Variants in MSH6 observed in about 807,000 individuals in gnomAD.
MSH6 encodes the protein mutS homolog 6, also known as DNA mismatch repair protein Msh6.
A neutral mutation model predicts 119.1 loss-of-function variants in MSH6; 85 were observed. The observed-to-expected ratio is 0.71, with a 90% CI of 0.60 to 0.85. The LOEUF is 0.85. MSH6 is among the 40% of genes least tolerant of loss of function. The probability of loss-of-function intolerance (pLI) is 0.00; values close to 1 mark genes in which losing one functional copy is unlikely to be tolerated. For missense variants in MSH6, 2,163 were observed against 1,655.3 expected (o/e 1.31, Z -5.32); for synonymous variants, 830 against 586.9 (o/e 1.41, Z -5.99).
At chr2:47,798,128 G>A (rs1669210231) in intron 3 of MSH6, 1 of 175,286 alleles carries the variant, frequency 5.7e-6, no homozygotes, top group Admixed American at 5.7e-5. Context: ...AGAACTATTG[G>A]CATGGAAAAT....
chr2:47,806,388 T>C, intron 8 of MSH6, 30 bp downstream of exon 8: 1 of 1,613,282 alleles, frequency 6.2e-7, no homozygotes, highest in Non-Finnish European at 8.5e-7. Context: ...TTCCACAAAT[T>C]CGGTTTTTTG....
Position 47,804,921 on chromosome 2 carries a change from AG to A in MSH6, c.3451del (p.Ala1151LeufsTer2). 1.2e-6 allele frequency: 2 copies of A among 1,613,930 alleles called. No homozygotes were observed. Among genetic ancestry groups the A allele is most frequent in the Non-Finnish European group, 1.7e-6 (2 of 1,179,788 alleles). On this transcript the variant is annotated frameshift_variant, in exon 6 of 10. Transcript: ENST00000234420. LOFTEE classifies it high-confidence loss of function. ...TCCCTCATTCACAGGCTGGCTTATT[AG>A]CTGTAATGGCCCAGATGGGTTGTTA... The part of the protein sequence containing the change: ...STLMRQAGLL[A>X]VMAQMGCYVP...
intron 2 of MSH6, 113 bp downstream of exon 2, chr2:47,791,236 C>T (rs959083805): frequency 2.9e-6 from 3 of 1,026,170 alleles, no homozygotes; most frequent in Non-Finnish European, 4.4e-6. Flanking sequence ...GTATTTTACC[C>T]CAGTAAATTG....
At chr2:47,808,082 G>T, downstream of MSH6, 2 of 1,560,552 alleles carry the variant, frequency 1.3e-6, no homozygotes, top group Non-Finnish European at 1.7e-6. Flanking sequence ...AAGTTATGAT[G>T]TTACAATGGC....
At chr2:47,801,365 T>TTTG (rs1669581677) in intron 4 of MSH6, 2 of 446,404 alleles carry the variant, frequency 4.5e-6, no homozygotes, top group Admixed American at 4.3e-5. Context: ...TCTTCAGTTT[T>TTTG]TTTTTTTTTT....
Position 47,806,771 on chromosome 2 carries a change from A to AAACTTTT in MSH6, c.4002-8_4002-7insAACTTTT. 1 of 1,514,324 alleles carries AAACTTTT rather than the reference A, an allele frequency of 6.6e-7. No individual in the cohort carries two copies. The highest frequency in any genetic ancestry group is 8.8e-7 in the Non-Finnish European group (1 of 1,130,106). The allele number at this position is 1,514,324 out of a possible 1,614,324, so 93.8% of individuals were successfully genotyped here. ...AAAAACTTTTTTTTTTTTTTTTTTAATTTTAAGGGAAGTTTGCCTGGCTAG... is the reference window on the plus strand; with the variant it reads ...AAAAACTTTTTTTTTTTTTTTTTTAAAACTTTTTTTTAAGGGAAGTTTGCCTGGCTAG... On this transcript the variant is annotated splice_region_variant and splice_polypyrimidine_tract_variant and intron_variant, in intron 9 of 9. Transcript: ENST00000234420.
rs752488540 is a variant in MSH6, at chr2:47,791,059, A to C, written c.393A>C (p.Val131=). 50 of 1,614,108 alleles carry C rather than the reference A, an allele frequency of 3.1e-5. 1 individual carries two copies. The Admixed American group carries it at 6.8e-4, about 22-fold the overall frequency. Reference sequence around the variant, plus strand: ...AAGGGAAATCAGTCCGTGTTCATGTACAGTTTTTTGATGACAGCCCAACAA... The same window carrying C: ...AAGGGAAATCAGTCCGTGTTCATGTCCAGTTTTTTGATGACAGCCCAACAA... ...REKGKSVRVH[V]QFFDDSPTRG... Residue 131 remains valine, a synonymous_variant, in exon 2 of 10, where the codon GTA becomes GTC. Transcript: ENST00000234420.
intron 2 of MSH6, among the ~76,000 whole-genome samples, chr2:47,793,400 C>A (rs1009099057): frequency 2.1e-5 from 3 of 145,076 alleles, no homozygotes; most frequent in African/African-American, 5.1e-5. Context: ...GAGGCCCAGG[C>A]GGGTGGATCA....
chr2:47,784,871 G>C (rs1314007536), intron 1 of MSH6: 4 of 152,234 alleles, frequency 2.6e-5, no homozygotes, highest in Non-Finnish European at 5.9e-5. Context: ...CTTTTGTCCA[G>C]GCTAGAGTGC....
rs2104360959 is a variant in MSH6 at position 47,799,672 on chromosome 2, T to C, written c.1689T>C (p.Thr563=). ...CATATGGTGTGTGCTTTGTTGATAC[T>C]TCACTGGGAAAGTTTTTCATAGGTC... ...TRAYGVCFVD[T]SLGKFFIGQF... Residue 563 remains threonine, a synonymous_variant, in exon 4 of 10, where the codon ACT becomes ACC. Coordinates refer to ENST00000234420, the MANE Select transcript of MSH6 (RefSeq NM_000179.3). 1 of 1,614,208 alleles carries C rather than the reference T, an allele frequency of 6.2e-7. No homozygotes were observed. Among genetic ancestry groups the C allele is most frequent in the Non-Finnish European group, 8.5e-7 (1 of 1,180,036 alleles).
At chr2:47,809,060 T>C, downstream of MSH6, 2 of 693,148 alleles carry the variant, frequency 2.9e-6, no homozygotes, top group Non-Finnish European at 2.5e-6. Context: ...TTAGTTATAG[T>C]CTCAACACCG....
intron 2 of MSH6, among the ~76,000 whole-genome samples, chr2:47,791,759 A>C (rs1163600860): frequency 6.7e-6 from 1 of 149,448 alleles, no homozygotes; most frequent in Non-Finnish European, 1.5e-5. Flanking sequence ...GCCCACTGCA[A>C]CCTCCGTCTC....
chr2:47,808,803 C>G, downstream of MSH6: 3 of 262,586 alleles, frequency 1.1e-5, no homozygotes, highest in South Asian at 2.8e-4. Flanking sequence ...AAACATTACA[C>G]AACATGAGTT....
At position 47,806,133 on chromosome 2, in the gene MSH6, ATTTTTGTTTTAATTCCT is replaced by A. The variant is rs267607687; in HGVS notation, c.3647-51_3647-35del. The stretch of plus-strand genomic sequence containing the variant: ...ACCGATGTTGCTTTTCTGTCCTAGC[ATTTTTGTTTTAATTCCT>A]TTTTTGTTTTAATTCCTTTGAGTTA... On this transcript the variant is annotated intron_variant, in intron 7 of 9. Coordinates refer to ENST00000234420, the MANE Select transcript of MSH6 (RefSeq NM_000179.3). The A allele has an allele frequency of 0.1, 154,812 of 1,488,518 alleles. 8,591 individuals are homozygous for A. Among genetic ancestry groups the A allele is most frequent in the Non-Finnish European group, 0.12 (124,624 of 1,071,246 alleles). 92.2% of individuals were successfully genotyped at this position (1,488,518 alleles called of 1,614,324 possible).
In MSH6 at chr2:47,798,917, A is replaced by C; in HGVS notation, c.934A>C (p.Arg312=). Reference sequence around the variant, plus strand: ...GGTGACTGGAAATGGCTCTCTTAAAAGGAAAAGCTCTAGGAAGGAAACGCC... The same window carrying C: ...GGTGACTGGAAATGGCTCTCTTAAACGGAAAAGCTCTAGGAAGGAAACGCC... ...RMVTGNGSLK[R]KSSRKETPSA... Residue 312 remains arginine (R), a synonymous_variant, in exon 4 of 10, where the codon AGG becomes CGG. Coordinates refer to ENST00000234420, the MANE Select transcript of MSH6 (RefSeq NM_000179.3). The C allele has an allele frequency of 6.2e-7, 1 of 1,614,204 alleles. No individual in the cohort carries two copies. The highest frequency in any genetic ancestry group is 8.5e-7 in the Non-Finnish European group (1 of 1,180,034).
chr2:47,797,226 A>G (rs947395918), intron 3 of MSH6, among the ~76,000 whole-genome samples: 1 of 152,218 alleles, frequency 6.6e-6, no homozygotes, highest in Non-Finnish European at 1.5e-5. Context: ...CCTCTGATCT[A>G]TCATATTAAT....
chr2:47,793,159 A>G (rs920599033), intron 2 of MSH6, among the ~76,000 whole-genome samples: 3 of 151,560 alleles, frequency 2.0e-5, no homozygotes, highest in African/African-American at 7.3e-5. Flanking sequence ...CGTCTCTACT[A>G]AAAATACAAA....
At chr2:47,795,624 C>G (rs1669034577) in intron 2 of MSH6, among the ~76,000 whole-genome samples, 1 of 151,890 alleles carries the variant, frequency 6.6e-6, no homozygotes, top group Non-Finnish European at 1.5e-5. Flanking sequence ...CACCACCACC[C>G]TTGGCTAATT....
chr2:47,786,540 G>A (rs1394242628), intron 1 of MSH6, among the ~76,000 whole-genome samples: 1 of 151,994 alleles, frequency 6.6e-6, no homozygotes, highest in Non-Finnish European at 1.5e-5. Context: ...CACCATGTTG[G>A]TCAGGCCAGT....
Sources: allele counts gnomAD v4.1 joint callset (sites outside exome capture counted in the v4.1 genomes callset), GRCh38; gene constraint gnomAD v4.1.1; transcripts MANE v1.5; gene names NCBI Gene and HGNC (gene_info 2026-07-23, HGNC 2026-07-21).